Variants in LRP1B observed in about 807,000 individuals in gnomAD.
LRP1B encodes low-density lipoprotein receptor-related protein 1B.
LRP1B carries 217 observed loss-of-function variants against 556.6 expected under a neutral mutation model. The observed-to-expected ratio is 0.39, with a 90% CI of 0.35 to 0.44. The LOEUF (loss-of-function observed/expected upper bound fraction) is 0.44, where lower values mean the gene tolerates loss of function less well. LRP1B is among the 20% of genes least tolerant of loss of function. LRP1B has a pLI of 1.00. For synonymous variants in LRP1B, 2,047 were observed against 1,865.8 expected, an observed-to-expected ratio of 1.10 and a Z score of -2.50; for missense variants, 5,053 against 5,620.8, an observed-to-expected ratio of 0.90 and a Z score of 3.23.
chr2:141,491,825 C>T (rs72989102), intron 2 of LRP1B, among the ~76,000 whole-genome samples: 4,761 of 152,038 alleles, frequency 0.031, 270 homozygotes, highest in African/African-American at 0.11. Flanking sequence ...TCTTAAGAGG[C>T]ATTTGTTTTT....
intron 1 of LRP1B, among the ~76,000 whole-genome samples, chr2:141,936,906 GTT>G (rs11312481): frequency 7.7e-5 from 11 of 143,464 alleles, no homozygotes; most frequent in Admixed American, 3.5e-4. Flanking sequence ...ACACACATTA[GTT>G]TTTTTTTTTT....
intron 2 of LRP1B, among the ~76,000 whole-genome samples, chr2:141,606,098 C>T (rs766978938): frequency 1.3e-5 from 2 of 152,154 alleles, no homozygotes; most frequent in African/African-American, 2.4e-5. Flanking sequence ...TTTCTCATCT[C>T]AGCTCTTTTA....
In LRP1B at chr2:140,506,823, C is replaced by T; in HGVS notation, c.8494G>A (p.Asp2832Asn). 1 of 1,613,886 alleles carries T rather than the reference C, an allele frequency of 6.2e-7. No homozygotes were observed. Among genetic ancestry groups the T allele is most frequent in the Non-Finnish European group, 8.5e-7 (1 of 1,179,904 alleles). ...FVCDHDDDCGDGSDESPQCGY... is the reference protein window; with the variant it reads ...FVCDHDDDCGNGSDESPQCGY... ...CACTGCGGTGACTCATCAGAGCCATCTCCACAGTCGTCATCATGGTCACAA... is the reference window on the plus strand; with the variant it reads ...CACTGCGGTGACTCATCAGAGCCATTTCCACAGTCGTCATCATGGTCACAA... The change falls in exon 53 of 91, where the codon GAT becomes AAT. Residue 2832 changes from aspartate (D) to asparagine (N), a missense_variant. Transcript: ENST00000389484.
At chr2:141,577,388 G>C (rs558960037) in intron 2 of LRP1B, among the ~76,000 whole-genome samples, 2 of 152,108 alleles carry the variant, frequency 1.3e-5, no homozygotes, top group Non-Finnish European at 2.9e-5. Context: ...ACTCTTCTTC[G>C]TTTAGCCCAG....
intron 2 of LRP1B, among the ~76,000 whole-genome samples, chr2:141,794,868 A>G (rs1695749637): frequency 1.3e-5 from 2 of 152,080 alleles, no homozygotes; most frequent in Admixed American, 1.3e-4. Context: ...TGTAAGGAAC[A>G]TTGCATTTTG....
intron 1 of LRP1B, among the ~76,000 whole-genome samples, chr2:141,916,625 G>A (rs910121619): frequency 1.4e-4 from 21 of 148,282 alleles, no homozygotes; most frequent in Admixed American, 7.5e-4. Context: ...CTCGTGATCC[G>A]CCCTCCTCAG....
chr2:140,996,742 A>C (rs1172081045), intron 15 of LRP1B, among the ~76,000 whole-genome samples: 2 of 151,990 alleles, frequency 1.3e-5, no homozygotes, highest in Non-Finnish European at 2.9e-5. Context: ...TCACCCAAGG[A>C]CATGGATAAA....
intron 1 of LRP1B, among the ~76,000 whole-genome samples, chr2:141,935,784 GTA>G (rs1188400208): frequency 6.6e-6 from 1 of 152,140 alleles, no homozygotes; most frequent in African/African-American, 2.4e-5. Context: ...AAGTGTTTTT[GTA>G]TTAATCATAG....
intron 2 of LRP1B, among the ~76,000 whole-genome samples, chr2:141,752,781 G>T (rs1191216757): frequency 6.7e-6 from 1 of 148,884 alleles, no homozygotes; most frequent in African/African-American, 2.5e-5. Context: ...CTCCACAAAA[G>T]CACAAAAAAT....
At chr2:140,296,865 A>T (rs1683625585) in intron 84 of LRP1B, among the ~76,000 whole-genome samples, 1 of 152,028 alleles carries the variant, frequency 6.6e-6, no homozygotes, top group Non-Finnish European at 1.5e-5. Flanking sequence ...TCAAAGAAAA[A>T]ATATAAATAG....
At position 140,434,884 on chromosome 2, in the gene LRP1B, G is replaced by A. The variant is rs146253859; in HGVS notation, c.10414+7620C>T. Among the ~76,000 whole-genome samples, 405 of 152,144 alleles carry A rather than the reference G, an allele frequency of 2.7e-3. 4 individuals carry two copies. Among genetic ancestry groups the A allele is most frequent in the African/African-American group, 7.8e-3 (325 of 41,510 alleles). On this transcript the variant is annotated intron_variant, in intron 66 of 90. Coordinates refer to ENST00000389484, the MANE Select transcript of LRP1B (RefSeq NM_018557.3). ...CTAACACCATTTGGATCTTCAAACT[G>A]ATGTTAACATATAAGCATAAGTGTA...
At chr2:140,716,143 A>G (rs79413195) in intron 36 of LRP1B, 41 bp from the exon 37 acceptor site, 26 of 1,359,250 alleles carry the variant, frequency 1.9e-5, no homozygotes, top group Non-Finnish European at 2.6e-5. Flanking sequence ...CAGTTTTGAG[A>G]AAAAAAATGT....
intron 35 of LRP1B, among the ~76,000 whole-genome samples, chr2:140,748,591 G>GTGTGTATA (rs1361412390): frequency 5.3e-4 from 39 of 73,328 alleles, no homozygotes; most frequent in Non-Finnish European, 8.6e-4. Flanking sequence ...TATACAGTGT[G>GTGTGTATA]TATATATATA....
intron 3 of LRP1B, among the ~76,000 whole-genome samples, chr2:141,302,793 C>T (rs932130953): frequency 2.6e-5 from 4 of 152,008 alleles, no homozygotes; most frequent in Non-Finnish European, 5.9e-5. Context: ...GATTATATTT[C>T]TTAGATGATC....
intron 1 of LRP1B, among the ~76,000 whole-genome samples, chr2:142,058,214 C>T (rs1221374771): frequency 6.6e-6 from 1 of 152,116 alleles, no homozygotes; most frequent in Non-Finnish European, 1.5e-5. Context: ...AGCTGTTCTG[C>T]CCCACTGATG....
At position 140,604,663 on chromosome 2, in the gene LRP1B, G is replaced by A. The variant is rs187469754; in HGVS notation, c.6800-3024C>T. ...GTCCATTAAACACTGGTATTCATCC[G>A]GCTAGGAAAACAGTCGCAGGTAAAT... On this transcript the variant is annotated intron_variant, in intron 41 of 90. Coordinates refer to ENST00000389484, the MANE Select transcript of LRP1B (RefSeq NM_018557.3). Among the ~76,000 whole-genome samples the A allele has an allele frequency of 7.6e-4, 116 of 152,194 alleles. 1 individual carries two copies. The highest frequency in any genetic ancestry group is 2.7e-3 in the African/African-American group (111 of 41,540).
intron 43 of LRP1B, among the ~76,000 whole-genome samples, chr2:140,561,489 C>T (rs772219788): frequency 7.9e-5 from 12 of 152,100 alleles, no homozygotes; most frequent in South Asian, 2.1e-4. Context: ...TCCCATGTCA[C>T]GTAAAGCTGT....
At chr2:141,926,815 G>A (rs957213720) in intron 1 of LRP1B, among the ~76,000 whole-genome samples, 14 of 152,036 alleles carry the variant, frequency 9.2e-5, no homozygotes, top group Non-Finnish European at 1.6e-4. Context: ...TAACCACAAC[G>A]TTGTCAATAC....
intron 18 of LRP1B, among the ~76,000 whole-genome samples, chr2:140,957,508 G>GA (rs11381647): frequency 0.59 from 89,473 of 151,160 alleles, 28,104 homozygotes; most frequent in Non-Finnish European, 0.7. Context: ...GAAGTGCAAG[G>GA]AAAAAATATT....
Sources: allele counts gnomAD v4.1 joint callset (sites outside exome capture counted in the v4.1 genomes callset), GRCh38; gene constraint gnomAD v4.1.1; transcripts MANE v1.5; gene names NCBI Gene and HGNC (gene_info 2026-07-23, HGNC 2026-07-21).